PKN2: variants seen among roughly 807,000 people sequenced by gnomAD.
PKN2 encodes the protein protein kinase N2, also known as serine/threonine-protein kinase N2.
A neutral mutation model predicts 119.1 loss-of-function variants in PKN2; 38 were observed. That is an observed-to-expected ratio of 0.32 (90% CI 0.25 to 0.42). The LOEUF (loss-of-function observed/expected upper bound fraction) is 0.42, where lower values mean the gene tolerates loss of function less well. PKN2 is among the 10% of genes least tolerant of loss of function. The pLI, the probability that PKN2 is intolerant of heterozygous loss-of-function variation, is 1.00. For synonymous variants in PKN2, 390 were observed against 384.9 expected, an observed-to-expected ratio of 1.01 and a Z score of -0.15; for missense variants, 850 against 1,165.1, an observed-to-expected ratio of 0.73 and a Z score of 3.94.
intron 1 of PKN2, among the ~76,000 whole-genome samples, chr1:88,691,747 C>A (rs1666341902): frequency 6.6e-6 from 1 of 152,154 alleles, no homozygotes; most frequent in Non-Finnish European, 1.5e-5. Flanking sequence ...TCCACGGTTT[C>A]AGTTACCCAT....
chr1:88,828,327 T>C (rs1262320345), intron 18 of PKN2, among the ~76,000 whole-genome samples, 154 bp from the exon 19 acceptor site: 1 of 152,248 alleles, frequency 6.6e-6, no homozygotes, highest in African/African-American at 2.4e-5. Context: ...TACCAGTCCT[T>C]ACTGTTTTCT....
At chr1:88,708,703 C>CA (rs886385636) in intron 1 of PKN2, among the ~76,000 whole-genome samples, 1 of 145,980 alleles carries the variant, frequency 6.9e-6, no homozygotes, top group Non-Finnish European at 1.5e-5. Context: ...CTCAGGTAAT[C>CA]TACCTGTCTC....
chr1:88,701,519 GAAACA>G (rs1666768967), intron 1 of PKN2, among the ~76,000 whole-genome samples: 1 of 151,994 alleles, frequency 6.6e-6, no homozygotes, highest in South Asian at 2.1e-4. Context: ...CCTATAAAAC[GAAACA>G]AAACAAAAAA....
chr1:88,712,545 T>C (rs745630044), intron 1 of PKN2, among the ~76,000 whole-genome samples: 29 of 152,310 alleles, frequency 1.9e-4, no homozygotes, highest in Admixed American at 7.2e-4. Flanking sequence ...CAGTGAAGCA[T>C]ACTGTATTCT....
intron 16 of PKN2, among the ~76,000 whole-genome samples, chr1:88,819,156 C>T (rs1481755005): frequency 6.6e-6 from 1 of 152,188 alleles, no homozygotes; most frequent in East Asian, 1.9e-4. Context: ...AAAGCAGTGG[C>T]AACCAAAGCC....
chr1:88,755,992 AACCTCC>A (rs1418085477), intron 2 of PKN2, among the ~76,000 whole-genome samples: 1 of 150,954 alleles, frequency 6.6e-6, no homozygotes, highest in Admixed American at 6.6e-5. Context: ...CGCTCACAGC[AACCTCC>A]ACCTCCTGGG....
intron 2 of PKN2, among the ~76,000 whole-genome samples, chr1:88,755,823 A>G (rs1669174787): frequency 6.6e-6 from 1 of 152,092 alleles, no homozygotes; most frequent in African/African-American, 2.4e-5. Flanking sequence ...ATATTCCTGT[A>G]ATTGTTATTA....
chr1:88,755,982 C>T (rs185679212), intron 2 of PKN2, among the ~76,000 whole-genome samples: 1 of 151,264 alleles, frequency 6.6e-6, no homozygotes, highest in East Asian at 1.9e-4. Flanking sequence ...GCGCAATCTC[C>T]GCTCACAGCA....
At position 88,770,602 on chromosome 1, in the gene PKN2, T is replaced by C. The variant is rs79765595; in HGVS notation, c.622+133T>C. On this transcript the variant is annotated intron_variant, in intron 4 of 21. Coordinates refer to ENST00000370521, the MANE Select transcript of PKN2 (RefSeq NM_006256.4). Reference sequence around the variant, plus strand: ...CTTTTTTTTTTTTTTCTTTTTTTTTTTGAGACGGAGTCTCGCTCTGTCGCC... The same window carrying C: ...CTTTTTTTTTTTTTTCTTTTTTTTTCTGAGACGGAGTCTCGCTCTGTCGCC... The C allele has an allele frequency of 6.6e-6, 4 of 603,224 alleles. 1 individual carries two copies. The highest frequency in any genetic ancestry group is 5.6e-5 in the East Asian group (2 of 35,816). 37.4% of individuals were successfully genotyped at this position (603,224 alleles called of 1,614,324 possible). A position where few individuals can be genotyped will look rare whatever the true frequency, so the allele number is the denominator to read the frequency against.
rs567622432 is a variant in PKN2 at position 88,716,883 on chromosome 1, C to T, written c.49-24105C>T. 2.9e-3 allele frequency among the ~76,000 whole-genome samples: 449 copies of T among 152,268 alleles called. 3 individuals are homozygous for T. Among genetic ancestry groups the T allele is most frequent in the African/African-American group, 0.01 (427 of 41,552 alleles). On this transcript the variant is annotated intron_variant, in intron 1 of 21. Coordinates refer to ENST00000370521, the MANE Select transcript of PKN2 (RefSeq NM_006256.4). ...GCTCATTAGTTGATGCAGTTTCTTC[C>T]TATCATCGATGGTCTTTACAATTTG...
chr1:88,819,292 TA>T (rs1228661259), intron 16 of PKN2, among the ~76,000 whole-genome samples: 2 of 152,056 alleles, frequency 1.3e-5, no homozygotes, highest in Non-Finnish European at 2.9e-5. Context: ...AAAGGGCTAA[TA>T]TCCAGAATCT....
intron 1 of PKN2, among the ~76,000 whole-genome samples, chr1:88,739,236 G>A (rs551283267): frequency 1.3e-5 from 2 of 152,094 alleles, no homozygotes; most frequent in South Asian, 4.2e-4. Context: ...ACTTTGGGAC[G>A]TCAAGGTGGG....
At chr1:88,824,211 GAGAA>G in intron 17 of PKN2, 95 bp from the exon 18 acceptor site, 1 of 616,654 alleles carries the variant, frequency 1.6e-6, no homozygotes, top group Admixed American at 3.0e-5. Context: ...TTTTAATAAA[GAGAA>G]AACACAGTTC....
At chr1:88,791,338 G>A (rs1330049266) in intron 8 of PKN2, among the ~76,000 whole-genome samples, 1 of 151,704 alleles carries the variant, frequency 6.6e-6, no homozygotes, top group African/African-American at 2.4e-5. Flanking sequence ...CTAGGAGGCT[G>A]AGGCATGCGA....
rs1347171515 is a variant in PKN2, at chr1:88,833,127, A to C, written c.2721A>C (p.Ala907=). 2.5e-6 allele frequency: 4 copies of C among 1,613,130 alleles called. No individual in the cohort carries two copies. The Admixed American group carries it at 5.0e-5, about 20-fold the overall frequency. Residue 907 remains alanine, a synonymous_variant, in exon 21 of 22, where the codon GCA becomes GCC. Coordinates refer to ENST00000370521, the MANE Select transcript of PKN2 (RefSeq NM_006256.4). ...ERRLGASEKD[A]EDVKKHPFFR... is the part of the protein sequence containing the mutation. ...GCCTTGGGGCTAGCGAGAAAGATGC[A>C]GAGGATGTAAAAAAGCACCCATTTT... is the stretch of plus-strand genomic sequence containing the variant.
At chr1:88,759,956 A>G (rs79203509) in intron 2 of PKN2, among the ~76,000 whole-genome samples, 2,950 of 152,232 alleles carry the variant, frequency 0.019, 93 homozygotes, top group African/African-American at 0.066. Flanking sequence ...ACCACGGACA[A>G]TCATCTAACT....
chr1:88,739,537 G>T (rs1314788066), intron 1 of PKN2, among the ~76,000 whole-genome samples: 1 of 152,094 alleles, frequency 6.6e-6, no homozygotes, highest in African/African-American at 2.4e-5. Flanking sequence ...AAAAATTAAA[G>T]AAAATCTTTG....
intron 16 of PKN2, among the ~76,000 whole-genome samples, chr1:88,821,604 A>G (rs1672293166): frequency 1.3e-5 from 2 of 152,050 alleles, no homozygotes; most frequent in African/African-American, 4.8e-5. Context: ...CTCTCAGGTA[A>G]GTACTTTATT....
At chr1:88,766,375 A>T (rs902124186) in intron 3 of PKN2, among the ~76,000 whole-genome samples, 3 of 152,316 alleles carry the variant, frequency 2.0e-5, no homozygotes, top group Admixed American at 1.3e-4. Context: ...TGATTGGCTT[A>T]TTTGAAAGTT....
Sources: allele counts gnomAD v4.1 joint callset (sites outside exome capture counted in the v4.1 genomes callset), GRCh38; gene constraint gnomAD v4.1.1; transcripts MANE v1.5; gene names NCBI Gene and HGNC (gene_info 2026-07-23, HGNC 2026-07-21).